OR2T11: variants seen among roughly 807,000 people sequenced by gnomAD.
OR2T11 encodes the protein olfactory receptor 2T11.
Under a neutral mutation model 13.5 loss-of-function variants are expected in OR2T11, and 14 were observed. The observed-to-expected ratio is 1.04, with a 90% CI of 0.69 to 1.62. The LOEUF is 1.62. OR2T11 is among the 40% of genes most tolerant of loss of function. The pLI, the probability that OR2T11 is intolerant of heterozygous loss-of-function variation, is 0.00. For synonymous variants in OR2T11, 163 were observed against 154.6 expected (o/e 1.05, Z -0.40); for missense variants, 410 against 389.7 (o/e 1.05, Z -0.44).
At position 248,626,441 on chromosome 1, in the gene OR2T11, C is replaced by T. The variant is rs1660520612; in HGVS notation, c.688G>A (p.Gly230Ser). 6.4e-7 allele frequency: 1 copy of T among 1,572,448 alleles called. No homozygotes were observed. The highest frequency in any genetic ancestry group is 8.6e-7 in the Non-Finnish European group (1 of 1,156,458). ...LTIHRMPSAE[G>S]RKKAFTTCSS... is the part of the protein sequence containing the mutation. ...CAAGTGGTGAAGGCCTTTTTGCGACCTTCAGCAGAGGGCATGCGGTGGATG... is the reference window on the plus strand; with the variant it reads ...CAAGTGGTGAAGGCCTTTTTGCGACTTTCAGCAGAGGGCATGCGGTGGATG... The change falls in exon 2 of 2, where the codon GGT becomes AGT. Residue 230 changes from glycine to serine, a missense_variant. Transcript: ENST00000641193.
At chr1:248,633,347 AATC>A (rs776043916) in intron 1 of OR2T11, among the ~76,000 whole-genome samples, 2 of 143,262 alleles carry the variant, frequency 1.4e-5, no homozygotes, top group African/African-American at 2.8e-5. Flanking sequence ...CAACCTATAT[AATC>A]ATCTCCTTAC....
At chr1:248,629,895 C>T (rs1660580631) in intron 1 of OR2T11, among the ~76,000 whole-genome samples, 1 of 141,694 alleles carries the variant, frequency 7.1e-6, no homozygotes, top group Non-Finnish European at 1.5e-5. Flanking sequence ...AAGCCACCTG[C>T]TCAGAGGTCC....
At chr1:248,634,968 T>TAGAAGAA (rs1467694064) in intron 1 of OR2T11, 70 bp downstream of exon 1, 1 of 138,762 alleles carries the variant, frequency 7.2e-6, no homozygotes, top group African/African-American at 2.8e-5. Flanking sequence ...CAATTTTATA[T>TAGAAGAA]TGCATATAGA....
chr1:248,634,841 A>T (rs1660664716), intron 1 of OR2T11, among the ~76,000 whole-genome samples, 197 bp downstream of exon 1: 1 of 143,908 alleles, frequency 6.9e-6, no homozygotes, highest in South Asian at 2.2e-4. Flanking sequence ...ATGCTAAATA[A>T]TTATCTAATT....
At chr1:248,633,883 T>C (rs529139719) in intron 1 of OR2T11, among the ~76,000 whole-genome samples, 1 of 144,178 alleles carries the variant, frequency 6.9e-6, no homozygotes, top group South Asian at 2.2e-4. Flanking sequence ...AAGGACTATA[T>C]GAAGAATCTA....
At chr1:248,632,445 T>C (rs1660627313) in intron 1 of OR2T11, among the ~76,000 whole-genome samples, 1 of 135,948 alleles carries the variant, frequency 7.4e-6, no homozygotes, top group Non-Finnish European at 1.6e-5. Context: ...GATCACTTTC[T>C]TAGAAGTTCC....
rs112290226 is a variant in OR2T11, at chr1:248,628,209, G to A, written c.-144-937C>T. Among the ~76,000 whole-genome samples, 166 of 143,370 alleles carry A rather than the reference G, an allele frequency of 1.2e-3. 37 individuals are homozygous for A. The highest frequency in any genetic ancestry group is 4.4e-3 in the African/African-American group (160 of 36,418). The allele number at this position is 143,370 out of a possible 152,430, so 94.1% of individuals were successfully genotyped here. A position where few individuals can be genotyped will look rare whatever the true frequency, so the allele number is the denominator to read the frequency against. On this transcript the variant is annotated intron_variant, in intron 1 of 1. Coordinates refer to ENST00000641193, the MANE Select transcript of OR2T11 (RefSeq NM_001001964.2). Reference sequence around the variant, plus strand: ...GGAGCAGATACATGGAAATGTGACAGCAACAGGCCACCGTTTAAGAAGGAA... The same window carrying A: ...GGAGCAGATACATGGAAATGTGACAACAACAGGCCACCGTTTAAGAAGGAA...
intron 1 of OR2T11, among the ~76,000 whole-genome samples, chr1:248,633,429 T>C (rs1405222682): frequency 1.4e-5 from 2 of 141,468 alleles, no homozygotes; most frequent in African/African-American, 2.8e-5. Context: ...ATCTTGTTCT[T>C]AGAAATAATC....
chr1:248,630,322 G>A (rs1319085), intron 1 of OR2T11, among the ~76,000 whole-genome samples: 2,841 of 143,200 alleles, frequency 0.02, 350 homozygotes, highest in Non-Finnish European at 0.03. Context: ...AGATCAGACA[G>A]CAATACAACT....
In OR2T11 at chr1:248,626,145, C is replaced by T. The variant is rs1171533146; in HGVS notation, c.*33G>A. The T allele has an allele frequency of 8.1e-7, 1 of 1,228,984 alleles. No individual in the cohort carries two copies. The highest frequency in any genetic ancestry group is 1.8e-5 in the Admixed American group (1 of 55,690). The allele number at this position is 1,228,984 out of a possible 1,614,324, so 76.1% of individuals were successfully genotyped here. On this transcript the variant is annotated 3_prime_UTR_variant, in exon 2 of 2. Transcript: ENST00000641193. ...GGAAACAGGGCAAATGGAGGAAGTC[C>T]TTAGGAAGCCTTATCCTCTGGGCAG...
rs537704625 is a variant in OR2T11, at chr1:248,625,521, G to A, written c.*657C>T. The A allele has an allele frequency of 1.4e-5, 2 of 143,752 alleles. No homozygotes were observed. The highest frequency in any genetic ancestry group is 4.4e-4 in the South Asian group (2 of 4,576). 8.9% of individuals were successfully genotyped at this position (143,752 alleles called of 1,614,324 possible). A position where few individuals can be genotyped will look rare whatever the true frequency, so the allele number is the denominator to read the frequency against. On this transcript the variant is annotated 3_prime_UTR_variant, in exon 2 of 2. Transcript: ENST00000641193. ...AAGGAAAGTGGCAGTCATGTTCTTT[G>A]ATGCTAAGTGTTAGAGTCTATTCCC...
At position 248,625,255 on chromosome 1, in the gene OR2T11, T is replaced by G. The variant is rs1490637002; in HGVS notation, c.*923A>C. 2.8e-5 allele frequency: 4 copies of G among 143,456 alleles called. No homozygotes were observed. The highest frequency in any genetic ancestry group is 6.8e-5 in the Admixed American group (1 of 14,706). 8.9% of individuals were successfully genotyped at this position (143,456 alleles called of 1,614,324 possible). A position where few individuals can be genotyped will look rare whatever the true frequency, so the allele number is the denominator to read the frequency against. ...ATCCTTGTTTCTCATCTCTGAAACC[T>G]CAATTGTCTTCCTGTATCCATGTTT... On this transcript the variant is annotated 3_prime_UTR_variant, in exon 2 of 2. Coordinates refer to ENST00000641193, the MANE Select transcript of OR2T11 (RefSeq NM_001001964.2).
At chr1:248,634,486 C>T (rs77108179) in intron 1 of OR2T11, among the ~76,000 whole-genome samples, 2 of 142,486 alleles carry the variant, frequency 1.4e-5, no homozygotes, top group African/African-American at 2.8e-5. Flanking sequence ...GACATGGTCA[C>T]GGGAGTCACC....
chr1:248,632,263 A>C (rs1308580613), intron 1 of OR2T11, among the ~76,000 whole-genome samples: 1 of 143,768 alleles, frequency 7.0e-6, no homozygotes, highest in African/African-American at 2.7e-5. Flanking sequence ...TTATGAAACA[A>C]TGAGTTAAAT....
chr1:248,627,430 A>C (rs961835992), intron 1 of OR2T11, among the ~76,000 whole-genome samples, 158 bp from the exon 2 acceptor site: 1 of 143,346 alleles, frequency 7.0e-6, no homozygotes, highest in Non-Finnish European at 1.5e-5. Flanking sequence ...TGCTACACCA[A>C]GAATGGGGTT....
Position 248,626,984 on chromosome 1 carries a change from C to T in OR2T11, c.145G>A (p.Asp49Asn). The change falls in exon 2 of 2, where the codon GAC (aspartate) becomes AAC (asparagine). Residue 49 changes from aspartate (D) to asparagine (N), a missense_variant. Coordinates refer to ENST00000641193, the MANE Select transcript of OR2T11 (RefSeq NM_001001964.2). The stretch of plus-strand genomic sequence containing the variant: ...TACATGGGGGTGTGGAGGCGAGAGT[C>T]CACCTGAATCAAGAATATCATGACC... Reference protein sequence around the residue: ...NLVMIFLIQVDSRLHTPMYFL... With the variant: ...NLVMIFLIQVNSRLHTPMYFL... The T allele has an allele frequency of 1.9e-6, 3 of 1,570,916 alleles. No homozygotes were observed. Among genetic ancestry groups the T allele is most frequent in the Non-Finnish European group, 2.6e-6 (3 of 1,155,400 alleles).
chr1:248,627,377 ATGC>A lies in OR2T11; in HGVS notation c.-144-108_-144-106del, dbSNP rs1312652159. 18 of 482,648 alleles carry A rather than the reference ATGC, an allele frequency of 3.7e-5. 2 individuals carry two copies. The highest frequency in any genetic ancestry group is 5.9e-5 in the Non-Finnish European group (16 of 273,360). The allele number at this position is 482,648 out of a possible 1,614,324, so 29.9% of individuals were successfully genotyped here. A position where few individuals can be genotyped will look rare whatever the true frequency, so the allele number is the denominator to read the frequency against. On this transcript the variant is annotated intron_variant, in intron 1 of 1. Transcript: ENST00000641193. ...TTCTATATTGCGTCTATGGTTCATC[ATGC>A]TGCTGGAGGTTATGGTAACTGCGTG...
rs72769021 is a variant in OR2T11 at position 248,633,257 on chromosome 1, C to G, written c.-145+1781G>C. On this transcript the variant is annotated intron_variant, in intron 1 of 1. Coordinates refer to ENST00000641193, the MANE Select transcript of OR2T11 (RefSeq NM_001001964.2). ...TACATAATAGAATTCTAAGTGACCA[C>G]TGGAATGTGAGGTGATCTATGTTCA... Among the ~76,000 whole-genome samples the G allele has an allele frequency of 2.6e-3, 354 of 135,014 alleles. 33 individuals carry two copies. Among genetic ancestry groups the G allele is most frequent in the African/African-American group, 8.4e-3 (276 of 32,954 alleles). 88.6% of individuals were successfully genotyped at this position (135,014 alleles called of 152,430 possible).
chr1:248,631,808 A>G (rs1464343039), intron 1 of OR2T11, among the ~76,000 whole-genome samples: 1 of 142,932 alleles, frequency 7.0e-6, no homozygotes, highest in Non-Finnish European at 1.5e-5. Flanking sequence ...CCACTCACAC[A>G]CGTCACTGTT....
Sources: gnomAD v4.1 joint callset for allele counts (sites outside exome capture counted in the v4.1 genomes callset) on GRCh38, gnomAD v4.1.1 for gene constraint, MANE v1.5 for transcripts, NCBI Gene and HGNC (gene_info 2026-07-23, HGNC 2026-07-21) for gene names.